Variants in PTPN11 observed in about 807,000 individuals in gnomAD.
PTPN11 encodes the protein protein tyrosine phosphatase non-receptor type 11.
Under a neutral mutation model 78.8 loss-of-function variants are expected in PTPN11, and 6 were observed. The observed-to-expected ratio is 0.08, with a 90% CI of 0.04 to 0.15. The LOEUF (loss-of-function observed/expected upper bound fraction) is 0.15. PTPN11 is among the 10% of genes least tolerant of loss of function. PTPN11 has a pLI of 1.00. For synonymous variants in PTPN11, 221 were observed against 263.5 expected (o/e 0.84, Z 1.56); for missense variants, 386 against 744.8 (o/e 0.52, Z 5.61).
chr12:112,454,207 C>T (rs1437157705), intron 4 of PTPN11, among the ~76,000 whole-genome samples: 2 of 152,084 alleles, frequency 1.3e-5, no homozygotes, highest in Non-Finnish European at 2.9e-5. Context: ...GCAACCTCTG[C>T]CTCTTGGGCT....
intron 13 of PTPN11, 25 bp downstream of exon 13, chr12:112,489,200 G>C (rs752433302): frequency 1.2e-6 from 2 of 1,613,778 alleles, no homozygotes; most frequent in East Asian, 4.5e-5. Context: ...GCTGGCATGC[G>C]GATTCTCATT....
chr12:112,468,048 C>T (rs2038357387), intron 6 of PTPN11, among the ~76,000 whole-genome samples: 1 of 152,196 alleles, frequency 6.6e-6, no homozygotes, highest in East Asian at 1.9e-4. Context: ...TAACTAGCCT[C>T]TGGTCCTTTT....
chr12:112,443,505 T>C (rs12582819), intron 1 of PTPN11, among the ~76,000 whole-genome samples: 15,664 of 151,538 alleles, frequency 0.1, 938 homozygotes, highest in East Asian at 0.23. Flanking sequence ...ATTGCAGGCC[T>C]GCGCCACCTT....
chr12:112,491,000 A>C (rs1244467055), intron 13 of PTPN11, among the ~76,000 whole-genome samples: 1 of 152,198 alleles, frequency 6.6e-6, no homozygotes, highest in African/African-American at 2.4e-5. Flanking sequence ...AAATACAGTC[A>C]TTTCTAAAAT....
At chr12:112,475,213 A>G (rs970997564) in intron 7 of PTPN11, among the ~76,000 whole-genome samples, 1 of 152,194 alleles carries the variant, frequency 6.6e-6, no homozygotes, top group African/African-American at 2.4e-5. Context: ...AACTGGCACT[A>G]GAGCCCCCAA....
chr12:112,436,289 A>G (rs748754693), intron 1 of PTPN11, among the ~76,000 whole-genome samples: 5 of 152,244 alleles, frequency 3.3e-5, no homozygotes, highest in Admixed American at 6.5e-5. Context: ...TAAGGTAACA[A>G]CAAGCAAACA....
intron 13 of PTPN11, among the ~76,000 whole-genome samples, chr12:112,494,669 C>A (rs2135922656): frequency 6.6e-6 from 1 of 152,278 alleles, no homozygotes; most frequent in South Asian, 2.1e-4. Flanking sequence ...AAACCAAGAT[C>A]TGGGCACTGG....
intron 11 of PTPN11, among the ~76,000 whole-genome samples, chr12:112,487,752 T>A (rs189024146): frequency 6.6e-6 from 1 of 152,214 alleles, no homozygotes; most frequent in African/African-American, 2.4e-5. Context: ...TTTTAATTTT[T>A]AAAATTATTT....
intron 1 of PTPN11, among the ~76,000 whole-genome samples, chr12:112,439,798 AAAAC>A (rs1156636987): frequency 6.7e-6 from 1 of 148,882 alleles, no homozygotes; most frequent in Non-Finnish European, 1.5e-5. Context: ...AAAAAAAACA[AAAAC>A]AAAAAAAAAA....
chr12:112,454,780 C>T (rs879449089), intron 5 of PTPN11, 100 bp downstream of exon 5: 3 of 778,880 alleles, frequency 3.9e-6, no homozygotes, highest in Non-Finnish European at 6.8e-6. Flanking sequence ...ATAGTATCAT[C>T]AGCCTCCATG....
intron 1 of PTPN11, among the ~76,000 whole-genome samples, chr12:112,431,474 A>G (rs1278674378): frequency 1.3e-5 from 2 of 152,164 alleles, no homozygotes; most frequent in Non-Finnish European, 2.9e-5. Flanking sequence ...TGACTGTAGA[A>G]ATGTGTGATT....
intron 9 of PTPN11, among the ~76,000 whole-genome samples, chr12:112,478,247 A>G (rs1273348015): frequency 6.6e-6 from 1 of 151,752 alleles, no homozygotes; most frequent in East Asian, 1.9e-4. Flanking sequence ...TTTTCCTTAA[A>G]TTTGGATAAT....
In PTPN11 at chr12:112,508,896, G is replaced by A. The variant is rs1224624823; in HGVS notation, c.*3104G>A. 1 of 152,154 alleles carries A rather than the reference G, an allele frequency of 6.6e-6. No individual in the cohort carries two copies. The highest frequency in any genetic ancestry group is 1.5e-5 in the Non-Finnish European group (1 of 68,026). 9.4% of individuals were successfully genotyped at this position (152,154 alleles called of 1,614,324 possible). A position where few individuals can be genotyped will look rare whatever the true frequency, so the allele number is the denominator to read the frequency against. ...AGAGCCAAGTTGCTTCGGGGAAACA[G>A]CCAGGAAAATGGTCAAGATTATTTT... is the stretch of plus-strand genomic sequence containing the variant. On this transcript the variant is annotated 3_prime_UTR_variant, in exon 16 of 16. Transcript: ENST00000351677.
chr12:112,473,786 C>T (rs1169431495), intron 7 of PTPN11, among the ~76,000 whole-genome samples: 3 of 150,444 alleles, frequency 2.0e-5, no homozygotes, highest in South Asian at 2.1e-4. Context: ...ATGGAGGTTG[C>T]AGTGAGCCGA....
At chr12:112,462,945 A>G (rs1444187126) in intron 6 of PTPN11, among the ~76,000 whole-genome samples, 1 of 152,148 alleles carries the variant, frequency 6.6e-6, no homozygotes, top group Non-Finnish European at 1.5e-5. Flanking sequence ...TATGTTCTGT[A>G]TTTAAAAAAT....
At position 112,508,473 on chromosome 12, in the gene PTPN11, C is replaced by T. The variant is rs2038962925; in HGVS notation, c.*2681C>T. On this transcript the variant is annotated 3_prime_UTR_variant, in exon 16 of 16. Coordinates refer to ENST00000351677, the MANE Select transcript of PTPN11 (RefSeq NM_002834.5). Reference sequence around the variant, plus strand: ...GGTGGTTTCTGAGGAAGTCAGAGCGCCCAGGGCCAGAGCAGTCAGTAATGG... The same window carrying T: ...GGTGGTTTCTGAGGAAGTCAGAGCGTCCAGGGCCAGAGCAGTCAGTAATGG... The T allele has an allele frequency of 1.3e-5, 2 of 152,282 alleles. No homozygotes were observed. The highest frequency in any genetic ancestry group is 2.4e-5 in the African/African-American group (1 of 41,400). The allele number at this position is 152,282 out of a possible 1,614,324, so 9.4% of individuals were successfully genotyped here. A position where few individuals can be genotyped will look rare whatever the true frequency, so the allele number is the denominator to read the frequency against.
chr12:112,478,082 G>A (rs2135902318), intron 9 of PTPN11, 67 bp downstream of exon 9: 4 of 1,558,294 alleles, frequency 2.6e-6, no homozygotes, highest in Middle Eastern at 1.7e-4. Context: ...GATTGGCCAT[G>A]TTTAGGAATT....
intron 4 of PTPN11, among the ~76,000 whole-genome samples, chr12:112,453,620 C>A (rs2038109654): frequency 6.6e-6 from 1 of 151,306 alleles, no homozygotes; most frequent in Admixed American, 6.6e-5. Flanking sequence ...AGGACAAACA[C>A]CATTACATTC....
intron 6 of PTPN11, among the ~76,000 whole-genome samples, chr12:112,470,296 G>T (rs760531971): frequency 6.6e-6 from 1 of 152,166 alleles, no homozygotes; most frequent in Non-Finnish European, 1.5e-5. Flanking sequence ...CAATAGTGAT[G>T]TCATAGAAAT....
Sources: allele counts gnomAD v4.1 joint callset (sites outside exome capture counted in the v4.1 genomes callset), GRCh38; gene constraint gnomAD v4.1.1; transcripts MANE v1.5; gene names NCBI Gene and HGNC (gene_info 2026-07-23, HGNC 2026-07-21).